The following PRKAG2 variants were observed in gnomAD, a reference collection of about 807,000 sequenced individuals.
The protein encoded by PRKAG2 is 5'-AMP-activated protein kinase subunit gamma-2.
In PRKAG2, 26 loss-of-function variants were observed where a neutral mutation model predicts 69.6. The observed-to-expected ratio is 0.37, with a 90% CI of 0.27 to 0.52. The LOEUF (loss-of-function observed/expected upper bound fraction) is 0.52, where lower values mean the gene tolerates loss of function less well. Among genes scored for constraint, PRKAG2 ranks in the 20% least tolerant of loss-of-function variants. PRKAG2 has a pLI of 0.90. For missense variants in PRKAG2, 557 were observed against 740.0 expected, an observed-to-expected ratio of 0.75 and a Z score of 2.87; for synonymous variants, 293 against 285.0, an observed-to-expected ratio of 1.03 and a Z score of -0.28.
chr7:151,718,401 C>G (rs988724974), intron 3 of PRKAG2, among the ~76,000 whole-genome samples: 1 of 152,066 alleles, frequency 6.6e-6, no homozygotes. Context: ...TAAGCCACAT[C>G]GAGGGTCAGG....
chr7:151,619,442 C>T (rs906666612), intron 5 of PRKAG2, among the ~76,000 whole-genome samples: 2 of 152,182 alleles, frequency 1.3e-5, no homozygotes, highest in Non-Finnish European at 2.9e-5. Context: ...CTGAACACAT[C>T]GGTTTTTCAC....
intron 3 of PRKAG2, among the ~76,000 whole-genome samples, chr7:151,759,125 A>G (rs1382014151): frequency 6.6e-6 from 1 of 152,084 alleles, no homozygotes; most frequent in African/African-American, 2.4e-5. Context: ...TCACTCCAGC[A>G]CCTGCTCCCT....
Position 151,644,938 on chromosome 7 carries a change from C to G in PRKAG2, c.685-12800G>C, listed in dbSNP as rs553055565. Among the ~76,000 whole-genome samples, 6 of 152,230 alleles carry G rather than the reference C, an allele frequency of 3.9e-5. 1 individual carries two copies. Among genetic ancestry groups the G allele is most frequent in the African/African-American group, 1.2e-4 (5 of 41,540 alleles). On this transcript the variant is annotated intron_variant, in intron 4 of 15. Coordinates refer to ENST00000287878, the MANE Select transcript of PRKAG2 (RefSeq NM_016203.4). ...ATTTGCATTTCCTTGAGGACAATAT[C>G]TTTTTGTGTTTATTGGTAATTAATG... is the stretch of plus-strand genomic sequence containing the variant.
chr7:151,739,691 G>A (rs1185849656), intron 3 of PRKAG2, among the ~76,000 whole-genome samples: 7 of 152,036 alleles, frequency 4.6e-5, no homozygotes, highest in African/African-American at 4.8e-5. Flanking sequence ...GGCTGGTCTC[G>A]AACTCCTGGC....
intron 3 of PRKAG2, among the ~76,000 whole-genome samples, chr7:151,680,726 G>A (rs1685220431): frequency 6.6e-6 from 1 of 152,186 alleles, no homozygotes; most frequent in South Asian, 2.1e-4. Context: ...TTTAAGCACT[G>A]ACCTGCTTCC....
chr7:151,568,459 T>G (rs1563151253), intron 11 of PRKAG2, among the ~76,000 whole-genome samples: 1 of 152,240 alleles, frequency 6.6e-6, no homozygotes, highest in Non-Finnish European at 1.5e-5. Context: ...ACAAATGTTT[T>G]AATTTAAAGA....
chr7:151,574,716 G>A (rs1448467667), intron 8 of PRKAG2, among the ~76,000 whole-genome samples, 175 bp downstream of exon 8: 1 of 152,144 alleles, frequency 6.6e-6, no homozygotes, highest in African/African-American at 2.4e-5. Flanking sequence ...AGTAAAGAGA[G>A]TTTTGTACTG....
Position 151,781,229 on chromosome 7 carries a change from G to A in PRKAG2, c.389C>T (p.Ser130Phe), listed in dbSNP as rs748790230. The change falls in exon 3 of 16, where the codon TCC becomes TTC. Residue 130 changes from serine (S) to phenylalanine (F), a missense_variant. By Grantham distance (155) the Ser-to-Phe change is radical. Around this residue, in one of 2 missense-constraint regions of PRKAG2, gnomAD observed 352 missense variants for 356.7 expected, o/e 0.99. Transcript: ENST00000287878. This position sits in a 1 kb window ranked among gnomAD's most constrained non-coding sequence, Gnocchi z 6.1. ...GGAGTTGGGGGAAGACTCTTTGGAGGAGGAGCGGAAGATCCCACTGAAGCT... is the reference window on the plus strand; with the variant it reads ...GGAGTTGGGGGAAGACTCTTTGGAGAAGGAGCGGAAGATCCCACTGAAGCT... Reference protein sequence around the residue: ...RMSFSGIFRSSSKESSPNSNP... With the variant: ...RMSFSGIFRSFSKESSPNSNP... The A allele has an allele frequency of 6.2e-7, 1 of 1,614,118 alleles. No individual in the cohort carries two copies. Among genetic ancestry groups the A allele is most frequent in the Non-Finnish European group, 8.5e-7 (1 of 1,180,042 alleles).
intron 3 of PRKAG2, among the ~76,000 whole-genome samples, chr7:151,744,913 T>C (rs2074174402): frequency 6.6e-6 from 1 of 152,154 alleles, no homozygotes; most frequent in African/African-American, 2.4e-5. Context: ...TTCTCAACCA[T>C]GCTGTGTGGT....
At chr7:151,629,678 G>A (rs957021463) in intron 5 of PRKAG2, among the ~76,000 whole-genome samples, 1 of 152,060 alleles carries the variant, frequency 6.6e-6, no homozygotes, top group Non-Finnish European at 1.5e-5. Flanking sequence ...TAACTTATTA[G>A]GAAATAGAAA....
At chr7:151,659,177 T>C (rs1019783781) in intron 4 of PRKAG2, among the ~76,000 whole-genome samples, 3 of 152,208 alleles carry the variant, frequency 2.0e-5, no homozygotes, top group African/African-American at 7.2e-5. Flanking sequence ...TCTTCTGACA[T>C]TGGATCTAGG....
At chr7:151,855,761 G>A (rs902580450) in intron 1 of PRKAG2, among the ~76,000 whole-genome samples, 5 of 152,306 alleles carry the variant, frequency 3.3e-5, no homozygotes, top group East Asian at 3.9e-4. Context: ...GGGTGGGGGC[G>A]GCAGGAACCA....
At chr7:151,773,877 G>A (rs1316615019) in intron 3 of PRKAG2, among the ~76,000 whole-genome samples, 21 of 152,164 alleles carry the variant, frequency 1.4e-4, no homozygotes, top group Admixed American at 1.4e-3. Flanking sequence ...AAACATTTCA[G>A]GCTTTGTAGG....
chr7:151,558,282 T>C (rs1433467342), intron 15 of PRKAG2: 14 of 985,364 alleles, frequency 1.4e-5, no homozygotes, highest in Middle Eastern at 1.0e-3. Flanking sequence ...TAGTACCTTC[T>C]AATCGAGTAA....
At chr7:151,575,429 T>C (rs973556983) in intron 7 of PRKAG2, among the ~76,000 whole-genome samples, 5 of 152,200 alleles carry the variant, frequency 3.3e-5, no homozygotes, top group Admixed American at 2.0e-4. Flanking sequence ...GAAAAAGACA[T>C]GAACTTCTTC....
intron 3 of PRKAG2, among the ~76,000 whole-genome samples, chr7:151,736,753 C>T (rs532437482): frequency 1.3e-5 from 2 of 152,294 alleles, no homozygotes; most frequent in Non-Finnish European, 2.9e-5. Flanking sequence ...TACAGCTCCC[C>T]GACTGGAATT....
chr7:151,742,068 A>AG (rs1214831521), intron 3 of PRKAG2, among the ~76,000 whole-genome samples: 2 of 152,222 alleles, frequency 1.3e-5, no homozygotes, highest in Admixed American at 1.3e-4. Flanking sequence ...GGGTCAGAGA[A>AG]GTAGTTTGAC....
chr7:151,701,523 G>C (rs370106727), intron 3 of PRKAG2, among the ~76,000 whole-genome samples: 3 of 152,174 alleles, frequency 2.0e-5, no homozygotes, highest in Non-Finnish European at 4.4e-5. Flanking sequence ...GCTGAGATTG[G>C]AGCGGTGCAT....
At chr7:151,658,462 G>C (rs1829827105) in intron 4 of PRKAG2, among the ~76,000 whole-genome samples, 1 of 146,614 alleles carries the variant, frequency 6.8e-6, no homozygotes, top group Admixed American at 6.8e-5. Context: ...TCCAGCCTGG[G>C]TGACAGAGCA....
Sources: allele counts gnomAD v4.1 joint callset (sites outside exome capture counted in the v4.1 genomes callset), GRCh38; gene constraint gnomAD v4.1.1; regional missense constraint gnomAD v4.1.1; non-coding constraint Gnocchi (gnomAD v3.1); transcripts MANE v1.5; gene names NCBI Gene and HGNC (gene_info 2026-07-23, HGNC 2026-07-21).